Variants in UBE3A observed in about 807,000 individuals in gnomAD.
UBE3A encodes ubiquitin-protein ligase E3A.
UBE3A carries 6 observed loss-of-function variants against 83.4 expected under a neutral mutation model. The observed-to-expected ratio is 0.07, with a 90% CI of 0.04 to 0.14. The LOEUF (loss-of-function observed/expected upper bound fraction) is 0.14, where lower values mean the gene tolerates loss of function less well. Ranked by LOEUF, UBE3A falls within the 10% of genes least tolerant of loss-of-function variation. The pLI is 1.00. For missense variants in UBE3A, 456 were observed against 1,036.1 expected (o/e 0.44, Z 7.69); for synonymous variants, 337 against 355.4 (o/e 0.95, Z 0.58).
intron 11 of UBE3A, among the ~76,000 whole-genome samples, chr15:25,348,638 G>A (rs528154364): frequency 5.9e-4 from 90 of 152,018 alleles, no homozygotes; most frequent in Non-Finnish European, 9.4e-4. Flanking sequence ...TAGGATATAA[G>A]ATCAATATAT....
rs528670855 is a variant in UBE3A at position 25,379,757 on chromosome 15, AAGTCAAATCG to A, written c.63-4004_63-3995del. 4.5e-4 allele frequency among the ~76,000 whole-genome samples: 68 copies of A among 152,302 alleles called. 1 individual carries two copies. In the South Asian group the frequency reaches 0.014, roughly 31 times the overall value. On this transcript the variant is annotated intron_variant, in intron 4 of 12. Coordinates refer to ENST00000648336, the MANE Select transcript of UBE3A (RefSeq NM_130839.5). ...TATGGGTCACCAAATCATAGCTCGT[AAGTCAAATCG>A]AGTCCACCACCTGTTTATGTCTCTC... is the stretch of plus-strand genomic sequence containing the variant.
chr15:25,367,232 T>TAAATATGTAAATATTTAC (rs1290648229), intron 6 of UBE3A, among the ~76,000 whole-genome samples: 132 of 73,550 alleles, frequency 1.8e-3, no homozygotes, highest in Non-Finnish European at 3.1e-3. Flanking sequence ...TACATATTTG[T>TAAATATGTAAATATTTAC]AAATATGTAA....
chr15:25,412,166 G>A (rs1347099199), intron 1 of UBE3A, among the ~76,000 whole-genome samples, 195 bp from the exon 2 acceptor site: 1 of 152,196 alleles, frequency 6.6e-6, no homozygotes, highest in Admixed American at 6.5e-5. Flanking sequence ...TGTGGCCTGA[G>A]TGCTTTCAGC....
intron 4 of UBE3A, among the ~76,000 whole-genome samples, chr15:25,386,444 C>T (rs543484206): frequency 1.4e-4 from 22 of 152,046 alleles, no homozygotes; most frequent in South Asian, 6.2e-4. Flanking sequence ...AGGGCCCTAA[C>T]GAACTGAGTA....
intron 6 of UBE3A, among the ~76,000 whole-genome samples, chr15:25,365,924 G>A (rs937048092): frequency 1.3e-5 from 2 of 152,040 alleles, no homozygotes; most frequent in African/African-American, 4.8e-5. Flanking sequence ...AAATGTTTGG[G>A]TAACACCAAA....
intron 6 of UBE3A, among the ~76,000 whole-genome samples, chr15:25,365,097 ACT>A (rs1165907642): frequency 4.0e-5 from 6 of 151,794 alleles, no homozygotes; most frequent in Admixed American, 1.3e-4. Context: ...CTTCTTTAAG[ACT>A]CTTGATTTCA....
At chr15:25,380,504 A>G (rs1256274653) in intron 4 of UBE3A, among the ~76,000 whole-genome samples, 2 of 152,140 alleles carry the variant, frequency 1.3e-5, no homozygotes, top group Admixed American at 1.3e-4. Context: ...ACCCTGAGCA[A>G]ATCCGTAAAA....
At chr15:25,343,392 T>C (rs1257828652) in intron 11 of UBE3A, among the ~76,000 whole-genome samples, 2 of 151,846 alleles carry the variant, frequency 1.3e-5, no homozygotes, top group Middle Eastern at 3.2e-3. Flanking sequence ...TGATGAGAAA[T>C]ACAAATTCAG....
chr15:25,351,855 G>A (rs974316967), intron 11 of UBE3A, among the ~76,000 whole-genome samples: 13 of 152,268 alleles, frequency 8.5e-5, no homozygotes, highest in South Asian at 8.3e-4. Flanking sequence ...GGGATTGCAC[G>A]TTTTTTTGAT....
In UBE3A at chr15:25,334,312, A is replaced by G. The variant is rs556791356; in HGVS notation, c.*4825T>C. 1 of 152,312 alleles carries G rather than the reference A, an allele frequency of 6.6e-6. No homozygotes were observed. Among genetic ancestry groups the G allele is most frequent in the Admixed American group, 6.5e-5 (1 of 15,298 alleles). 9.4% of individuals were successfully genotyped at this position (152,312 alleles called of 1,614,324 possible). On this transcript the variant is annotated 3_prime_UTR_variant, in exon 13 of 13. Transcript: ENST00000648336. Reference sequence around the variant, plus strand: ...AAAATAAAAATTAGAAAATAATCATATAATTAAAGTGGCATCAGTAAAATA... The same window carrying G: ...AAAATAAAAATTAGAAAATAATCATGTAATTAAAGTGGCATCAGTAAAATA...
chr15:25,355,800 GACTAT>G, intron 9 of UBE3A, 87 bp downstream of exon 9: 2 of 1,218,886 alleles, frequency 1.6e-6, no homozygotes, highest in Non-Finnish European at 2.3e-6. Context: ...TTTTTGTACA[GACTAT>G]ATTAGATACT....
chr15:25,411,523 G>A (rs2089993215), intron 2 of UBE3A, among the ~76,000 whole-genome samples: 1 of 152,192 alleles, frequency 6.6e-6, no homozygotes, highest in South Asian at 2.1e-4. Context: ...CTGGGAGATG[G>A]ACGTTGCAGT....
intron 8 of UBE3A, among the ~76,000 whole-genome samples, chr15:25,356,408 C>CCTAT (rs1031372695): frequency 1.1e-4 from 16 of 152,140 alleles, no homozygotes; most frequent in Non-Finnish European, 1.5e-5. Flanking sequence ...CTGATTTTTA[C>CCTAT]CTATCTCTTA....
chr15:25,357,098 A>G (rs1329330336), intron 7 of UBE3A, among the ~76,000 whole-genome samples: 2 of 152,312 alleles, frequency 1.3e-5, no homozygotes, highest in African/African-American at 4.8e-5. Context: ...GTGAATGGTG[A>G]TATGTAATTT....
intron 6 of UBE3A, among the ~76,000 whole-genome samples, chr15:25,368,523 G>A (rs956622180): frequency 3.3e-5 from 5 of 151,990 alleles, no homozygotes; most frequent in African/African-American, 4.8e-5. Context: ...TTATTAAACT[G>A]CCTAACACAC....
At chr15:25,359,377 A>G (rs2077677289) in intron 7 of UBE3A, among the ~76,000 whole-genome samples, 1 of 151,582 alleles carries the variant, frequency 6.6e-6, no homozygotes, top group Non-Finnish European at 1.5e-5. Flanking sequence ...ATAGCTTTTT[A>G]GTTATTAATA....
intron 4 of UBE3A, among the ~76,000 whole-genome samples, chr15:25,391,383 T>C (rs1435629524): frequency 1.3e-5 from 2 of 152,236 alleles, no homozygotes. Context: ...GTAGAGTTTC[T>C]GTTTTACAAG....
Position 25,370,026 on chromosome 15 carries a change from G to A in UBE3A, c.1608+540C>T, listed in dbSNP as rs1010551034. Reference sequence around the variant, plus strand: ...GAAACTACCACAGCCAGGCAGTGCCGTCCACACAGGGATATTCTAAGTGGC... The same window carrying A: ...GAAACTACCACAGCCAGGCAGTGCCATCCACACAGGGATATTCTAAGTGGC... On this transcript the variant is annotated intron_variant, in intron 6 of 12. Transcript: ENST00000648336. This position sits in a 1 kb window ranked among gnomAD's most constrained non-coding sequence, Gnocchi z 4.2. Among the ~76,000 whole-genome samples, 5 of 152,130 alleles carry A rather than the reference G, an allele frequency of 3.3e-5. No individual in the cohort carries two copies. The highest frequency in any genetic ancestry group is 6.5e-5 in the Admixed American group (1 of 15,270).
At chr15:25,342,216 G>A (rs1015306895) in intron 11 of UBE3A, among the ~76,000 whole-genome samples, 1 of 152,030 alleles carries the variant, frequency 6.6e-6, no homozygotes, top group African/African-American at 2.4e-5. Context: ...AAGCTGCCCT[G>A]CAGTGGGTGG....
Sources: gnomAD v4.1 joint callset for allele counts (sites outside exome capture counted in the v4.1 genomes callset) on GRCh38, gnomAD v4.1.1 for gene constraint, Gnocchi (gnomAD v3.1) non-coding constraint, MANE v1.5 for transcripts, NCBI Gene and HGNC (gene_info 2026-07-23, HGNC 2026-07-21) for gene names.